The following RGS12 variants were observed in gnomAD, a reference collection of about 807,000 sequenced individuals.
The protein encoded by RGS12 is regulator of G-protein signaling 12.
Under a neutral mutation model 120.1 loss-of-function variants are expected in RGS12, and 66 were observed. The observed-to-expected ratio is 0.55, with a 90% confidence interval of 0.45 to 0.67. The LOEUF is 0.67. RGS12 is among the 30% of genes least tolerant of loss of function. The pLI is 0.00. For missense variants in RGS12, 1,859 were observed against 1,957.7 expected, an observed-to-expected ratio of 0.95 and a Z score of 0.95; for synonymous variants, 827 against 804.7, an observed-to-expected ratio of 1.03 and a Z score of -0.47.
intron 14 of RGS12, among the ~76,000 whole-genome samples, chr4:3,426,386 A>G (rs1385244289): frequency 6.6e-6 from 1 of 151,780 alleles, no homozygotes; most frequent in Non-Finnish European, 1.5e-5. Context: ...AGTACACAAA[A>G]GAGAATTGGT....
chr4:3,358,342 T>A (rs1715095344), intron 3 of RGS12, among the ~76,000 whole-genome samples: 2 of 152,222 alleles, frequency 1.3e-5, no homozygotes, highest in South Asian at 4.1e-4. Flanking sequence ...TTTGCCTAAT[T>A]GCTCTGGCTA....
At position 3,340,817 on chromosome 4, in the gene RGS12, G is replaced by A. The variant is rs554057888; in HGVS notation, c.1882-2120G>A. Among the ~76,000 whole-genome samples, 326 of 151,574 alleles carry A rather than the reference G, an allele frequency of 2.2e-3. 1 individual carries two copies. The highest frequency in any genetic ancestry group is 7.5e-3 in the African/African-American group (307 of 40,912). On this transcript the variant is annotated intron_variant, in intron 2 of 17. Transcript: ENST00000336727. ...CGTTCTCCAGCCTCGGAGGCACGGC[G>A]TGCACGGGGGCCTGCTCCTTAGTTT...
chr4:3,323,053 C>T (rs1331117485), intron 2 of RGS12, among the ~76,000 whole-genome samples: 1 of 152,164 alleles, frequency 6.6e-6, no homozygotes, highest in African/African-American at 2.4e-5. Flanking sequence ...CTGAAAATCG[C>T]GCTCATAAAA....
intron 2 of RGS12, among the ~76,000 whole-genome samples, chr4:3,321,925 A>G (rs1426100549): frequency 2.0e-5 from 3 of 152,246 alleles, no homozygotes; most frequent in African/African-American, 7.2e-5. Flanking sequence ...CTGTATGCAA[A>G]ATAAGCTGAC....
At chr4:3,425,061 G>A (rs187419499) in intron 13 of RGS12, among the ~76,000 whole-genome samples, 77 of 152,338 alleles carry the variant, frequency 5.1e-4, no homozygotes, top group Non-Finnish European at 8.7e-4. Context: ...GGCTAGTGGC[G>A]CTTCATTTCA....
chr4:3,373,435 T>C lies in RGS12; in HGVS notation c.1999-12981T>C, dbSNP rs573239009. Among the ~76,000 whole-genome samples, 3 of 152,332 alleles carry C rather than the reference T, an allele frequency of 2.0e-5. No homozygotes were observed. In the East Asian group the frequency reaches 5.8e-4, roughly 29 times the overall value. ...GGGCTGACGTGTCTGTGGACACCTC[T>C]GCTGGGTCATTTCTGAGTCTCTGTA... On this transcript the variant is annotated intron_variant, in intron 3 of 17. Coordinates refer to ENST00000336727, the MANE Select transcript of RGS12 (RefSeq NM_001394154.1).
intron 3 of RGS12, among the ~76,000 whole-genome samples, chr4:3,349,051 G>C (rs1047122723): frequency 6.6e-6 from 1 of 152,108 alleles, no homozygotes; most frequent in Non-Finnish European, 1.5e-5. Context: ...AAATCAAAAC[G>C]TCCTGCAGTT....
chr4:3,320,275 C>T (rs1049405589), intron 2 of RGS12, among the ~76,000 whole-genome samples: 63 of 152,256 alleles, frequency 4.1e-4, no homozygotes, highest in Non-Finnish European at 4.1e-4. Flanking sequence ...CTCCTTGGGG[C>T]GGGTGACATG....
chr4:3,422,978 G>A lies in RGS12; in HGVS notation c.3107G>A (p.Arg1036Gln), dbSNP rs776126809. 1.6e-5 allele frequency: 25 copies of A among 1,612,378 alleles called. No individual in the cohort carries two copies. The highest frequency in any genetic ancestry group is 1.6e-4 in the Middle Eastern group (1 of 6,084). The stretch of plus-strand genomic sequence containing the variant: ...CGCCTAGAAAAGCGCACCTTGTTTC[G>A]GTAAGAGGAAGATCGCTGTCATTCA... ...DLRLEKRTLF[R>Q]LDLVPINRSV... The change falls in exon 12 of 18, where the codon CGG (arginine) becomes CAG (glutamine). Residue 1036 changes from arginine (R) to glutamine (Q), a missense_variant and splice_region_variant. Around this residue, in one of 3 missense-constraint regions of RGS12, gnomAD observed 375 missense variants for 475.0 expected, o/e 0.79. Coordinates refer to ENST00000336727, the MANE Select transcript of RGS12 (RefSeq NM_001394154.1).
intron 1 of RGS12, among the ~76,000 whole-genome samples, chr4:3,294,549 C>G (rs998673813): frequency 2.0e-5 from 3 of 152,170 alleles, no homozygotes; most frequent in Non-Finnish European, 2.9e-5. Context: ...GATGGGTATC[C>G]GGTGCCCGGG....
At position 3,431,126 on chromosome 4, in the gene RGS12, C is replaced by T. The variant is rs1724259472; in HGVS notation, c.4114+171C>T. On this transcript the variant is annotated intron_variant, in intron 17 of 17. Transcript: ENST00000336727. ...TTGGCCCTCTTGGAAAGGAGGGGCTCGTGTGGCCCCAGGCCAGTGTCTGTC... is the reference window on the plus strand; with the variant it reads ...TTGGCCCTCTTGGAAAGGAGGGGCTTGTGTGGCCCCAGGCCAGTGTCTGTC... The T allele has an allele frequency of 4.0e-5, 58 of 1,433,822 alleles. 1 individual carries two copies. The South Asian group carries it at 5.6e-4, about 14-fold the overall frequency. The allele number at this position is 1,433,822 out of a possible 1,614,324, so 88.8% of individuals were successfully genotyped here. A position where few individuals can be genotyped will look rare whatever the true frequency, so the allele number is the denominator to read the frequency against.
intron 3 of RGS12, among the ~76,000 whole-genome samples, chr4:3,371,957 G>C (rs1486949686): frequency 6.6e-6 from 1 of 152,144 alleles, no homozygotes; most frequent in African/African-American, 2.4e-5. Context: ...GGGAGCTGCC[G>C]GGATTTCCAC....
At chr4:3,410,682 C>T (rs939631340) in intron 4 of RGS12, among the ~76,000 whole-genome samples, 1 of 152,230 alleles carries the variant, frequency 6.6e-6, no homozygotes, top group Non-Finnish European at 1.5e-5. Context: ...TGCCTCTTGG[C>T]TCAGACTTCA....
chr4:3,318,363 C>T (rs569025144), intron 2 of RGS12, among the ~76,000 whole-genome samples: 1 of 152,294 alleles, frequency 6.6e-6, no homozygotes, highest in East Asian at 1.9e-4. Flanking sequence ...GGATAAGGCC[C>T]TTCCTCCCCT....
At chr4:3,369,138 G>C (rs62274924) in intron 3 of RGS12, among the ~76,000 whole-genome samples, 2 of 152,156 alleles carry the variant, frequency 1.3e-5, no homozygotes, top group Admixed American at 1.3e-4. Flanking sequence ...GCTGCCTTGG[G>C]GTGATTCCTC....
At chr4:3,368,464 T>G (rs1716590254) in intron 3 of RGS12, among the ~76,000 whole-genome samples, 1 of 85,500 alleles carries the variant, frequency 1.2e-5, no homozygotes, top group Non-Finnish European at 2.5e-5. Flanking sequence ...GGTGCCTTTG[T>G]GTGTGGGGGT....
chr4:3,316,379 T>G lies in RGS12; in HGVS notation c.209T>G (p.Ile70Ser), dbSNP rs758209445. The G allele has an allele frequency of 8.7e-6, 14 of 1,613,700 alleles. No homozygotes were observed. In the South Asian group the frequency reaches 1.5e-4, roughly 18 times the overall value. ...AGDQILAVNE[I>S]NVKKASHEDV... Reference sequence around the variant, plus strand: ...GACCAGATACTTGCTGTCAATGAAATCAACGTGAAAAAAGCATCTCATGAA... The same window carrying G: ...GACCAGATACTTGCTGTCAATGAAAGCAACGTGAAAAAAGCATCTCATGAA... Residue 70 changes from isoleucine (I) to serine (S), a missense_variant, in exon 2 of 18, where the codon ATC (isoleucine) becomes AGC (serine). Ile to Ser is a moderately radical substitution (Grantham distance 142). Around this residue, in one of 3 missense-constraint regions of RGS12, gnomAD observed 967 missense variants for 994.2 expected, o/e 0.97. Transcript: ENST00000336727.
At chr4:3,354,711 A>G (rs781654202) in intron 3 of RGS12, among the ~76,000 whole-genome samples, 2 of 152,230 alleles carry the variant, frequency 1.3e-5, no homozygotes, top group Admixed American at 6.5e-5. Context: ...CAATGAGAAT[A>G]CTACATATCT....
At chr4:3,382,287 C>G (rs747986886) in intron 3 of RGS12, among the ~76,000 whole-genome samples, 21 of 152,156 alleles carry the variant, frequency 1.4e-4, no homozygotes, top group Non-Finnish European at 2.9e-4. Context: ...AAGAAAGGAA[C>G]CGCAAGGTGC....
Sources: allele counts gnomAD v4.1 joint callset (sites outside exome capture counted in the v4.1 genomes callset), GRCh38; gene constraint gnomAD v4.1.1; regional missense constraint gnomAD v4.1.1; transcripts MANE v1.5; gene names NCBI Gene and HGNC (gene_info 2026-07-23, HGNC 2026-07-21).